The following CDH18 variants were observed in gnomAD, a reference collection of about 807,000 sequenced individuals.
CDH18 encodes the protein cadherin 18.
Under a neutral mutation model 67.9 loss-of-function variants are expected in CDH18, and 31 were observed. The ratio of observed to expected loss-of-function variants is 0.46; its 90% CI spans 0.34 to 0.62. CDH18 has a LOEUF of 0.62. Among genes scored for constraint, CDH18 ranks in the 20% least tolerant of loss-of-function variants. The pLI is 0.01. For missense variants in CDH18, 890 were observed against 975.5 expected (o/e 0.91, Z 1.17); for synonymous variants, 362 against 347.2 (o/e 1.04, Z -0.48).
At chr5:20,405,575 A>G (rs1187324852) in intron 1 of CDH18, among the ~76,000 whole-genome samples, 6 of 152,226 alleles carry the variant, frequency 3.9e-5, no homozygotes, top group South Asian at 4.1e-4. Flanking sequence ...ACAAAAGCCA[A>G]AATTGACAAA....
chr5:19,484,716 G>A (rs1740074043), intron 11 of CDH18, among the ~76,000 whole-genome samples: 1 of 152,116 alleles, frequency 6.6e-6, no homozygotes, highest in Non-Finnish European at 1.5e-5. Context: ...TTTTCCATAG[G>A]GTCAGCCATT....
chr5:19,741,746 A>G (rs1029856859), intron 4 of CDH18, among the ~76,000 whole-genome samples: 51 of 152,236 alleles, frequency 3.4e-4, no homozygotes, highest in African/African-American at 1.2e-3. Context: ...AATTCTTTAT[A>G]TTGCATGTTC....
chr5:20,293,956 C>T (rs1022437982), intron 1 of CDH18, among the ~76,000 whole-genome samples: 19 of 152,102 alleles, frequency 1.2e-4, no homozygotes, highest in African/African-American at 4.6e-4. Flanking sequence ...TGTACGTAGG[C>T]ATTTTTTAAT....
At chr5:20,029,035 G>A (rs1183887291) in intron 2 of CDH18, among the ~76,000 whole-genome samples, 1 of 151,816 alleles carries the variant, frequency 6.6e-6, no homozygotes, top group African/African-American at 2.4e-5. Context: ...TAATCTTTTG[G>A]ATCCAAGGAT....
chr5:19,549,353 T>C (rs951272808), intron 8 of CDH18, among the ~76,000 whole-genome samples: 1 of 152,148 alleles, frequency 6.6e-6, no homozygotes, highest in African/African-American at 2.4e-5. Flanking sequence ...CTGCCATGAC[T>C]GTAAGTTCTC....
chr5:19,872,401 AATT>A lies in CDH18; in HGVS notation c.-256-33162_-256-33160del, dbSNP rs1468686717. Among the ~76,000 whole-genome samples, 13 of 152,342 alleles carry A rather than the reference AATT, an allele frequency of 8.5e-5. No homozygotes were observed. In the East Asian group the frequency reaches 2.5e-3, roughly 29 times the overall value. The stretch of plus-strand genomic sequence containing the variant: ...TAAATGTTTAAAATTTTACAAATTT[AATT>A]GAGGTTTTGAATCAGTTGACTGAGG... On this transcript the variant is annotated intron_variant, in intron 2 of 12. Transcript: ENST00000382275.
intron 2 of CDH18, among the ~76,000 whole-genome samples, chr5:19,919,168 C>T (rs766582942): frequency 1.3e-5 from 2 of 152,014 alleles, no homozygotes; most frequent in African/African-American, 2.4e-5. Context: ...GGAGCTGCAC[C>T]CCCACTACAC....
chr5:19,992,389 A>G (rs2150386897), upstream of CDH18, among the ~76,000 whole-genome samples: 1 of 151,812 alleles, frequency 6.6e-6, no homozygotes, highest in South Asian at 2.1e-4. Flanking sequence ...TGAAAATATA[A>G]TAGATGATGA....
intron 1 of CDH18, chr5:20,304,351 G>A (rs1350771806): frequency 1.3e-6 from 2 of 1,510,592 alleles, no homozygotes; most frequent in Non-Finnish European, 1.8e-6. Flanking sequence ...TATCTTTCTT[G>A]TAAAATAGTT....
At chr5:19,590,484 G>GGACAGATAGATAGATA (rs1744920492) in intron 7 of CDH18, among the ~76,000 whole-genome samples, 1 of 149,702 alleles carries the variant, frequency 6.7e-6, no homozygotes, top group Non-Finnish European at 1.5e-5. Context: ...CTAGACAGAT[G>GGACAGATAGATAGATA]GATAGATAGA....
rs112819123 is a variant in CDH18 at position 20,104,050 on chromosome 5, G to A, written c.-517-112036C>T. Among the ~76,000 whole-genome samples the A allele has an allele frequency of 2.2e-3, 329 of 150,304 alleles. 1 individual carries two copies. Among genetic ancestry groups the A allele is most frequent in the African/African-American group, 7.5e-3 (310 of 41,134 alleles). On this transcript the variant is annotated intron_variant, in intron 2 of 14. Coordinates refer to the CDH18 transcript ENST00000507958. ...ATCATTATGAATATGACTATAGATG[G>A]TTATCTATTTATAGATATATTAGAT...
intron 2 of CDH18, among the ~76,000 whole-genome samples, chr5:19,896,249 C>T (rs557774725): frequency 3.0e-4 from 46 of 152,090 alleles, no homozygotes; most frequent in South Asian, 2.5e-3. Context: ...ATCCCAGCTA[C>T]TTTGCAGGAG....
intron 2 of CDH18, among the ~76,000 whole-genome samples, chr5:19,888,013 T>C (rs1474861281): frequency 6.6e-6 from 1 of 152,144 alleles, no homozygotes; most frequent in Non-Finnish European, 1.5e-5. Context: ...TCACAAATTA[T>C]ATGGCAGTAT....
At chr5:19,714,492 C>A (rs954563238) in intron 5 of CDH18, among the ~76,000 whole-genome samples, 1 of 150,208 alleles carries the variant, frequency 6.7e-6, no homozygotes, top group African/African-American at 2.5e-5. Flanking sequence ...GAATTCTTCC[C>A]TAAAGTAGAC....
intron 1 of CDH18, among the ~76,000 whole-genome samples, chr5:20,398,607 A>T (rs902454766): frequency 1.3e-5 from 2 of 152,318 alleles, no homozygotes; most frequent in South Asian, 4.1e-4. Context: ...CCACCATGGC[A>T]CATGTATACC....
At chr5:20,549,793 G>T (rs1757534322) in intron 1 of CDH18, among the ~76,000 whole-genome samples, 1 of 152,124 alleles carries the variant, frequency 6.6e-6, no homozygotes, top group Admixed American at 6.6e-5. Flanking sequence ...GAGAGCTCTA[G>T]AAGTCTAGTA....
At chr5:19,831,032 T>C (rs1241023249) in intron 3 of CDH18, among the ~76,000 whole-genome samples, 1 of 152,054 alleles carries the variant, frequency 6.6e-6, no homozygotes, top group Non-Finnish European at 1.5e-5. Context: ...CTGGAGTCTT[T>C]GTGAGAGTGA....
At chr5:20,272,516 G>T (rs958231417) in intron 1 of CDH18, among the ~76,000 whole-genome samples, 1 of 151,742 alleles carries the variant, frequency 6.6e-6, no homozygotes, top group Non-Finnish European at 1.5e-5. Flanking sequence ...TAGAACAATG[G>T]ATGGAAATAC....
chr5:19,502,867 T>G (rs1387824673), intron 11 of CDH18, 125 bp downstream of exon 11: 1 of 735,978 alleles, frequency 1.4e-6, no homozygotes, highest in African/African-American at 1.7e-5. Context: ...CATAACACAG[T>G]AGCATCAAAC....
Sources: allele counts gnomAD v4.1 joint callset (sites outside exome capture counted in the v4.1 genomes callset), GRCh38; gene constraint gnomAD v4.1.1; transcripts MANE v1.5; gene names NCBI Gene and HGNC (gene_info 2026-07-23, HGNC 2026-07-21).